The following COL3A1 variants were observed in gnomAD, a reference collection of about 807,000 sequenced individuals.
COL3A1 encodes the protein collagen type III alpha 1 chain, also known as collagen alpha-1(III) chain.
Under a neutral mutation model 200.9 loss-of-function variants are expected in COL3A1, and 46 were observed. That is an observed-to-expected ratio of 0.23 (90% CI 0.18 to 0.29). The LOEUF (loss-of-function observed/expected upper bound fraction) is 0.29. Ranked by LOEUF, COL3A1 falls within the 10% of genes least tolerant of loss-of-function variation. The pLI is 1.00. For synonymous variants in COL3A1, 650 were observed against 628.0 expected (o/e 1.03, Z -0.52); for missense variants, 1,367 against 1,917.6 (o/e 0.71, Z 5.36).
intron 45 of COL3A1, 95 bp downstream of exon 45, chr2:189,007,702 G>A: frequency 8.1e-7 from 1 of 1,240,640 alleles, no homozygotes; most frequent in Admixed American, 2.0e-5. Context: ...ATATGTACTA[G>A]AAGAGATGAG....
Position 188,978,137 on chromosome 2 carries a change from A to G in COL3A1, c.79+3569A>G, listed in dbSNP as rs906938680. ...ATCATCTGATGTTGAATACTCTTTA[A>G]GTGATCTAAAGGCCTACATATAAAA... On this transcript the variant is annotated intron_variant, in intron 1 of 50. Coordinates refer to ENST00000304636, the MANE Select transcript of COL3A1 (RefSeq NM_000090.4). The G allele has an allele frequency of 8.1e-5, 24 of 297,730 alleles. No homozygotes were observed. The Admixed American group carries it at 1.2e-3, about 15-fold the overall frequency. The allele number at this position is 297,730 out of a possible 1,614,324, so 18.4% of individuals were successfully genotyped here.
rs1398802050 is a variant in COL3A1 at position 188,992,173 on chromosome 2, T to A, written c.952-11T>A. ...ATTAAAAGGATATTTGATGTAAACT[T>A]CTCTTTTTAGGGTGCTCGGGGTAAT... On this transcript the variant is annotated splice_polypyrimidine_tract_variant and intron_variant, in intron 13 of 50. Transcript: ENST00000304636. 6.2e-7 allele frequency: 1 copy of A among 1,613,732 alleles called. No individual in the cohort carries two copies. The highest frequency in any genetic ancestry group is 1.3e-5 in the African/African-American group (1 of 74,882).
At chr2:188,997,605 A>G in intron 26 of COL3A1, 95 bp from the exon 27 acceptor site, 1 of 1,319,092 alleles carries the variant, frequency 7.6e-7, no homozygotes, top group South Asian at 1.2e-5. Flanking sequence ...TCACATCACT[A>G]CTTTTATAAT....
chr2:189,010,915 G>C, intron 50 of COL3A1, 25 bp downstream of exon 50: 1 of 1,613,656 alleles, frequency 6.2e-7, no homozygotes, highest in East Asian at 2.2e-5. Context: ...TCTCAATATA[G>C]GTCATAAAGC....
intron 1 of COL3A1, among the ~76,000 whole-genome samples, chr2:188,981,288 G>C (rs993007358): frequency 6.6e-6 from 1 of 151,474 alleles, no homozygotes; most frequent in Non-Finnish European, 1.5e-5. Context: ...ACATGTGTTA[G>C]CTTCAATATG....
At chr2:189,001,681 C>T (rs1447069320) in intron 34 of COL3A1, 92 bp downstream of exon 34, 1 of 1,268,634 alleles carries the variant, frequency 7.9e-7, no homozygotes, top group Non-Finnish European at 1.2e-6. Flanking sequence ...GCCCTCAGTT[C>T]CCTGAGCCTC....
chr2:188,992,560 C>T (rs998711789), intron 14 of COL3A1, among the ~76,000 whole-genome samples: 1 of 152,010 alleles, frequency 6.6e-6, no homozygotes, highest in African/African-American at 2.4e-5. Context: ...CTATGTAAGA[C>T]ATGGCACTTT....
rs1688531313 is a variant in COL3A1, at chr2:189,004,067, G to C, written c.2747G>C (p.Ser916Thr). 1.2e-6 allele frequency: 2 copies of C among 1,613,260 alleles called. No homozygotes were observed. The highest frequency in any genetic ancestry group is 1.7e-6 in the Non-Finnish European group (2 of 1,179,980). The change falls in exon 39 of 51, where the codon AGC becomes ACC. Residue 916 changes from serine to threonine, a missense_variant. Coordinates refer to ENST00000304636, the MANE Select transcript of COL3A1 (RefSeq NM_000090.4). Reference sequence around the variant, plus strand: ...GCGGGTAACACTGGTGCTCCTGGCAGCCCTGGAGTGTCTGGACCAAAAGGT... The same window carrying C: ...GCGGGTAACACTGGTGCTCCTGGCACCCCTGGAGTGTCTGGACCAAAAGGT... The part of the protein sequence containing the change: ...GPAGNTGAPG[S>T]PGVSGPKGDA...
intron 26 of COL3A1, 77 bp downstream of exon 26, chr2:188,997,466 A>C (rs1688355199): frequency 3.5e-6 from 5 of 1,420,176 alleles, no homozygotes; most frequent in Non-Finnish European, 4.0e-6. Flanking sequence ...AAATTACATA[A>C]TCTCTGACAC....
In COL3A1 at chr2:189,003,715, A is replaced by T. The variant is rs372917900; in HGVS notation, c.2608-19A>T. On this transcript the variant is annotated intron_variant, in intron 37 of 50. Coordinates refer to ENST00000304636, the MANE Select transcript of COL3A1 (RefSeq NM_000090.4). ...TTTGTTCTACTTTTGAAATTCAAAA[A>T]TATATTACCATTTCACAGGGTGCTG... 1.2e-6 allele frequency: 2 copies of T among 1,613,592 alleles called. No individual in the cohort carries two copies. Among genetic ancestry groups the T allele is most frequent in the Non-Finnish European group, 1.7e-6 (2 of 1,179,704 alleles).
rs1174975138 is a variant in COL3A1 at position 189,004,105 on chromosome 2, C to A, written c.2785C>A (p.Pro929Thr). 1 of 1,613,758 alleles carries A rather than the reference C, an allele frequency of 6.2e-7. No homozygotes were observed. Among genetic ancestry groups the A allele is most frequent in the South Asian group, 1.1e-5 (1 of 91,072 alleles). Reference sequence around the variant, plus strand: ...TGGACCAAAAGGTGATGCTGGCCAACCAGGAGAGAAGGGATCGCCTGGTGC... The same window carrying A: ...TGGACCAAAAGGTGATGCTGGCCAAACAGGAGAGAAGGGATCGCCTGGTGC... Reference protein sequence around the residue: ...VSGPKGDAGQPGEKGSPGAQG... With the variant: ...VSGPKGDAGQTGEKGSPGAQG... Residue 929 changes from proline (P) to threonine (T), a missense_variant, in exon 39 of 51, where the codon CCA (proline) becomes ACA (threonine). Physicochemically the swap from Pro to Thr is conservative, Grantham distance 38. Coordinates refer to ENST00000304636, the MANE Select transcript of COL3A1 (RefSeq NM_000090.4).
At chr2:188,981,277 G>C (rs1461461641) in intron 1 of COL3A1, among the ~76,000 whole-genome samples, 2 of 151,496 alleles carry the variant, frequency 1.3e-5, no homozygotes, top group Non-Finnish European at 3.0e-5. Context: ...AGTGGTTTAA[G>C]ACATGTGTTA....
chr2:189,007,011 GT>G, intron 44 of COL3A1, 21 bp downstream of exon 44: 1 of 1,597,416 alleles, frequency 6.3e-7, no homozygotes, highest in Non-Finnish European at 8.5e-7. Context: ...TCATTTTTTG[GT>G]TTTATTTTGT....
Position 188,994,649 on chromosome 2 carries a change from G to C in COL3A1, c.1347+55G>C. Reference sequence around the variant, plus strand: ...TTCTTGAAAAAATGCAACATAATTAGAAAGTAAACAGGTAAAAACTTTGAA... The same window carrying C: ...TTCTTGAAAAAATGCAACATAATTACAAAGTAAACAGGTAAAAACTTTGAA... On this transcript the variant is annotated intron_variant, in intron 19 of 50. Transcript: ENST00000304636. This position sits in a 1 kb window ranked among gnomAD's most constrained non-coding sequence, Gnocchi z 4.5. 6.2e-7 allele frequency: 1 copy of C among 1,612,544 alleles called. No homozygotes were observed. Among genetic ancestry groups the C allele is most frequent in the South Asian group, 1.1e-5 (1 of 91,032 alleles).
intron 1 of COL3A1, among the ~76,000 whole-genome samples, chr2:188,979,886 A>G (rs1192819679): frequency 6.6e-6 from 1 of 151,706 alleles, no homozygotes; most frequent in Non-Finnish European, 1.5e-5. Flanking sequence ...TAACCTTGGG[A>G]AAATTACTTA....
chr2:189,010,360 T>C lies in COL3A1; in HGVS notation c.4006T>C (p.Phe1336Leu). 1 of 1,614,136 alleles carries C rather than the reference T, an allele frequency of 6.2e-7. No individual in the cohort carries two copies. Among genetic ancestry groups the C allele is most frequent in the Non-Finnish European group, 8.5e-7 (1 of 1,179,988 alleles). Residue 1336 changes from phenylalanine (F) to leucine (L), a missense_variant, in exon 49 of 51, where the codon TTT (phenylalanine) becomes CTT (leucine). Physicochemically the swap from Phe to Leu is conservative, Grantham distance 22 (BLOSUM62 0). Coordinates refer to ENST00000304636, the MANE Select transcript of COL3A1 (RefSeq NM_000090.4). ...VWFGESMDGG[F>L]QFSYGNPELP... Reference sequence around the variant, plus strand: ...GTTTGGAGAGTCCATGGATGGTGGTTTTCAGGTAGGAAAGGATATACCTTT... The same window carrying C: ...GTTTGGAGAGTCCATGGATGGTGGTCTTCAGGTAGGAAAGGATATACCTTT...
chr2:188,995,713 G>A lies in COL3A1; in HGVS notation c.1531G>A (p.Ala511Thr), dbSNP rs926106259. ...TTAGGGTCCTGCTGGAGAGCGTGGT[G>A]CTCCAGGCCCTGCAGGGCCCAGAGG... ...GEKGPAGERG[A>T]PGPAGPRGAA... The change falls in exon 22 of 51, where the codon GCT becomes ACT. Residue 511 changes from alanine (A) to threonine (T), a missense_variant. Ala to Thr is a moderately conservative substitution (Grantham distance 58). Around this residue, in one of 5 missense-constraint regions of COL3A1, gnomAD observed 462 missense variants for 681.4 expected, o/e 0.68. Coordinates refer to ENST00000304636, the MANE Select transcript of COL3A1 (RefSeq NM_000090.4). The A allele has an allele frequency of 1.3e-6, 2 of 1,559,490 alleles. No homozygotes were observed. Among genetic ancestry groups the A allele is most frequent in the Non-Finnish European group, 1.7e-6 (2 of 1,151,256 alleles).
chr2:189,003,318 C>T (rs1688511463), intron 36 of COL3A1, 93 bp from the exon 37 acceptor site: 3 of 1,096,772 alleles, frequency 2.7e-6, no homozygotes, highest in Non-Finnish European at 4.2e-6. Context: ...ATTTTAACCT[C>T]TTCATAGAGT....
At chr2:188,991,147 T>C (rs1248171067) in intron 11 of COL3A1, 90 bp downstream of exon 11, 3 of 1,389,104 alleles carry the variant, frequency 2.2e-6, no homozygotes, top group East Asian at 2.4e-5. Flanking sequence ...CTTAACTTGT[T>C]TTCTGAAATT....
Sources: gnomAD v4.1 joint callset for allele counts (sites outside exome capture counted in the v4.1 genomes callset) on GRCh38, gnomAD v4.1.1 for gene constraint, gnomAD v4.1.1 regional missense constraint, Gnocchi (gnomAD v3.1) non-coding constraint, MANE v1.5 for transcripts, NCBI Gene and HGNC (gene_info 2026-07-23, HGNC 2026-07-21) for gene names.